LRRC37B: variants seen among roughly 807,000 people sequenced by gnomAD.
LRRC37B encodes leucine rich repeat containing 37B, also known as leucine-rich repeat-containing protein 37B.
In LRRC37B, 28 loss-of-function variants were observed where a neutral mutation model predicts 98.3. That is an observed-to-expected ratio of 0.28 (90% CI 0.21 to 0.39). The LOEUF is 0.39. Among genes scored for constraint, LRRC37B ranks in the 10% least tolerant of loss-of-function variants. The probability of loss-of-function intolerance (pLI) is 1.00; values close to 1 mark genes in which losing one functional copy is unlikely to be tolerated. For synonymous variants in LRRC37B, 364 were observed against 442.7 expected (o/e 0.82, Z 2.23); for missense variants, 938 against 1,182.7 (o/e 0.79, Z 3.03).
chr17:32,015,123 G>C (rs547857510), intron 1 of LRRC37B, among the ~76,000 whole-genome samples: 11 of 151,616 alleles, frequency 7.3e-5, no homozygotes, highest in Admixed American at 5.3e-4. Context: ...GAGCGACTCT[G>C]TCTCAAAAAA....
intron 1 of LRRC37B, among the ~76,000 whole-genome samples, chr17:32,009,417 C>T (rs1910479971): frequency 6.6e-6 from 1 of 151,952 alleles, no homozygotes; most frequent in South Asian, 2.1e-4. Flanking sequence ...GTGTGCACCA[C>T]CATACCTGGC....
chr17:32,007,850 G>A, upstream of LRRC37B: 3 of 1,157,300 alleles, frequency 2.6e-6, no homozygotes, highest in Non-Finnish European at 2.1e-6. The surrounding 1 kb of genome is among the most constrained non-coding windows in gnomAD (Gnocchi z 4.1). Context: ...CCCGCCCCGC[G>A]CCGGCACCAG....
chr17:32,015,994 T>C (rs1276724255), intron 1 of LRRC37B, among the ~76,000 whole-genome samples: 1 of 152,260 alleles, frequency 6.6e-6, no homozygotes, highest in Non-Finnish European at 1.5e-5. Context: ...AGATAATTTC[T>C]GTCTAAAATA....
At chr17:32,038,044 G>A (rs924493727) in intron 7 of LRRC37B, among the ~76,000 whole-genome samples, 2 of 151,618 alleles carry the variant, frequency 1.3e-5, no homozygotes, top group African/African-American at 2.4e-5. Flanking sequence ...GGAGAATGGC[G>A]TTATCCCAGG....
chr17:32,045,853 T>C (rs781588676), intron 8 of LRRC37B, 35 bp downstream of exon 11: 1 of 1,572,886 alleles, frequency 6.4e-7, no homozygotes, highest in Non-Finnish European at 8.6e-7. Flanking sequence ...AATTGTTACA[T>C]TATTTTAAGT....
At chr17:32,013,342 AT>A (rs1417566648) in intron 1 of LRRC37B, among the ~76,000 whole-genome samples, 5 of 151,652 alleles carry the variant, frequency 3.3e-5, no homozygotes, top group Non-Finnish European at 4.4e-5. Context: ...TGTTTTTTTT[AT>A]TTTTCTTTTA....
intron 1 of LRRC37B, among the ~76,000 whole-genome samples, chr17:32,010,151 A>G (rs1322675012): frequency 6.6e-6 from 1 of 152,206 alleles, no homozygotes. Context: ...TTGTTCATCT[A>G]ACAACTCTGC....
chr17:32,033,264 C>A (rs1911157465), intron 5 of LRRC37B, among the ~76,000 whole-genome samples: 1 of 143,988 alleles, frequency 6.9e-6, no homozygotes. Context: ...AGGCCTAAGC[C>A]ACCAGGCCCA....
upstream of LRRC37B, among the ~76,000 whole-genome samples, chr17:32,020,212 CCTT>C (rs1910730766): frequency 6.6e-6 from 1 of 152,156 alleles, no homozygotes; most frequent in Non-Finnish European, 1.5e-5. Flanking sequence ...AGATGAAGCT[CCTT>C]CTTGGGGTTT....
chr17:32,027,113 T>C (rs549560266), intron 2 of LRRC37B, among the ~76,000 whole-genome samples: 1 of 152,292 alleles, frequency 6.6e-6, no homozygotes, highest in Admixed American at 6.5e-5. Flanking sequence ...ATTTTTTTGA[T>C]GGGGGAAAAA....
chr17:32,041,057 G>A, intron 7 of LRRC37B: 1 of 768,466 alleles, frequency 1.3e-6, no homozygotes, highest in Non-Finnish European at 2.4e-6. Flanking sequence ...TTGAGCAGGT[G>A]AGTCAACTCC....
intron 8 of LRRC37B, chr17:32,047,286 T>C (rs1450069588): frequency 4.7e-6 from 1 of 213,742 alleles, no homozygotes; most frequent in African/African-American, 2.3e-5. Context: ...ACCCTGCTCC[T>C]CTCAGAGGAC....
intron 1 of LRRC37B, among the ~76,000 whole-genome samples, chr17:32,008,461 T>G (rs1222018851): frequency 6.6e-6 from 1 of 152,212 alleles, no homozygotes; most frequent in African/African-American, 2.4e-5. Flanking sequence ...ACATATCCAT[T>G]GCATTCATTT....
chr17:32,010,444 G>C (rs1910500668), intron 1 of LRRC37B, among the ~76,000 whole-genome samples: 1 of 152,200 alleles, frequency 6.6e-6, no homozygotes, highest in Non-Finnish European at 1.5e-5. Context: ...ACCAACCCAA[G>C]TTCACAAAGA....
At chr17:32,022,526 G>T in exon 1 of LRRC37B, 1 of 1,613,684 alleles carries the variant, frequency 6.2e-7, no homozygotes, top group Non-Finnish European at 8.5e-7. Flanking sequence ...CCACTACAGA[G>T]ATTGGACATT....
intron 5 of LRRC37B, 120 bp from the exon 9 acceptor site, chr17:32,034,790 G>T: frequency 1.4e-5 from 10 of 694,348 alleles, no homozygotes; most frequent in Non-Finnish European, 1.7e-5. Context: ...GATTTATTAT[G>T]TAAAAGCAGA....
chr17:32,029,916 T>C (rs1312977913), intron 3 of LRRC37B, among the ~76,000 whole-genome samples: 2 of 151,990 alleles, frequency 1.3e-5, no homozygotes, highest in Non-Finnish European at 2.9e-5. Flanking sequence ...CCTCAATAAT[T>C]TCCCAGGAGG....
exon 1 of LRRC37B, chr17:32,021,694 C>A: frequency 1.2e-6 from 2 of 1,614,240 alleles, no homozygotes; most frequent in Non-Finnish European, 8.5e-7. Context: ...TCAAGACCAA[C>A]CAAATTTGTT....
chr17:32,007,901 C>T, upstream of LRRC37B: 1 of 816,322 alleles, frequency 1.2e-6, no homozygotes, highest in Non-Finnish European at 1.6e-6. The surrounding 1 kb of genome is among the most constrained non-coding windows in gnomAD (Gnocchi z 4.1). Context: ...CCACCTAGCC[C>T]GGACCACCGC....
Sources: gnomAD v4.1 joint callset for allele counts (sites outside exome capture counted in the v4.1 genomes callset) on GRCh38, gnomAD v4.1.1 for gene constraint, Gnocchi (gnomAD v3.1) non-coding constraint, MANE v1.5 for transcripts, NCBI Gene and HGNC (gene_info 2026-07-23, HGNC 2026-07-21) for gene names.